The following MIB1 variants were observed in gnomAD, a reference collection of about 807,000 sequenced individuals.
MIB1 encodes the protein E3 ubiquitin-protein ligase MIB1.
MIB1 carries 278 observed loss-of-function variants against 124.5 expected under a neutral mutation model. The observed-to-expected ratio is 2.23, with a 90% CI of 2.02 to 2.47. The LOEUF is 2.47. Ranked by LOEUF, MIB1 falls within the 30% of genes most tolerant of loss-of-function variation. The pLI, the probability that MIB1 is intolerant of heterozygous loss-of-function variation, is 0.00. For missense variants in MIB1, 957 were observed against 1,254.4 expected (o/e 0.76, Z 3.58); for synonymous variants, 446 against 429.4 (o/e 1.04, Z -0.48).
chr18:21,844,456 T>C (rs924969937), intron 15 of MIB1, among the ~76,000 whole-genome samples: 7 of 152,184 alleles, frequency 4.6e-5, no homozygotes, highest in Non-Finnish European at 1.0e-4. Flanking sequence ...TCTGTTGTTG[T>C]TGTTGTTGTT....
chr18:21,751,750 G>GA (rs2040977887), intron 1 of MIB1, among the ~76,000 whole-genome samples: 1 of 151,786 alleles, frequency 6.6e-6, no homozygotes, highest in Non-Finnish European at 1.5e-5. Flanking sequence ...TTGCAGGCCT[G>GA]AAAATTGCTT....
intron 1 of MIB1, among the ~76,000 whole-genome samples, chr18:21,709,200 C>T (rs906648655): frequency 6.6e-6 from 1 of 151,590 alleles, no homozygotes; most frequent in Non-Finnish European, 1.5e-5. Context: ...TGCCTGTGGT[C>T]TCAGCTACTC....
intron 7 of MIB1, among the ~76,000 whole-genome samples, chr18:21,795,539 G>A (rs1319087330): frequency 2.0e-5 from 3 of 151,092 alleles, no homozygotes; most frequent in Non-Finnish European, 4.4e-5. Context: ...GGCAAAGAAG[G>A]AAGGGAGACC....
chr18:21,724,721 AAAAAAAATATATATATATATATATAT>A (rs1196750263), intron 1 of MIB1, among the ~76,000 whole-genome samples: 4 of 58,116 alleles, frequency 6.9e-5, no homozygotes, highest in Non-Finnish European at 1.3e-4. Flanking sequence ...CCAAAAAAAA[AAAAAAAATATATATATATATATATAT>A]ATATATATAT....
chr18:21,861,122 T>TA (rs2042272889), intron 20 of MIB1, among the ~76,000 whole-genome samples: 1 of 152,262 alleles, frequency 6.6e-6, no homozygotes, highest in East Asian at 1.9e-4. Context: ...AAACTCTGAT[T>TA]AGGCCAGTTT....
chr18:21,813,077 A>G (rs1403086683), intron 10 of MIB1, among the ~76,000 whole-genome samples: 3 of 151,984 alleles, frequency 2.0e-5, no homozygotes, highest in Admixed American at 2.0e-4. Flanking sequence ...TCAGTTTTTA[A>G]TTCTTTGGTG....
intron 6 of MIB1, among the ~76,000 whole-genome samples, chr18:21,786,384 G>A (rs1417790311): frequency 3.9e-5 from 6 of 152,096 alleles, no homozygotes; most frequent in African/African-American, 1.2e-4. Context: ...GGCGTGAGCC[G>A]CTGCGCCCAG....
intron 1 of MIB1, among the ~76,000 whole-genome samples, chr18:21,705,704 G>A (rs988113943): frequency 6.6e-6 from 1 of 152,166 alleles, no homozygotes; most frequent in African/African-American, 2.4e-5. Context: ...TTTAGATGGG[G>A]ACATGAGACG....
At position 21,858,557 on chromosome 18, in the gene MIB1, A is replaced by T. The variant is rs753624504; in HGVS notation, c.2791A>T (p.Ile931Phe). The T allele has an allele frequency of 6.5e-7, 1 of 1,530,442 alleles. No homozygotes were observed. Among genetic ancestry groups the T allele is most frequent in the South Asian group, 1.1e-5 (1 of 87,220 alleles). The allele number at this position is 1,530,442 out of a possible 1,614,324, so 94.8% of individuals were successfully genotyped here. The change falls in exon 20 of 21, where the codon ATT becomes TTT. Residue 931 changes from isoleucine to phenylalanine, a missense_variant. Coordinates refer to ENST00000261537, the MANE Select transcript of MIB1 (RefSeq NM_020774.4). ...DATDDISSGN[I>F]PVLQKDKDNT... ...AATCTATATTATAGCAAGTGGGAAT[A>T]TTCCAGTATTACAAAAGGACAAGGA...
intron 7 of MIB1, among the ~76,000 whole-genome samples, chr18:21,797,135 A>G (rs771031275): frequency 1.3e-5 from 2 of 152,184 alleles, no homozygotes; most frequent in African/African-American, 4.8e-5. Context: ...TGAGTTGATA[A>G]TAAATAGCAT....
intron 1 of MIB1, among the ~76,000 whole-genome samples, chr18:21,747,845 T>C (rs753443987): frequency 2.0e-5 from 3 of 152,214 alleles, no homozygotes; most frequent in African/African-American, 7.2e-5. Flanking sequence ...TCCCCACATG[T>C]GTGCTTTCAT....
At chr18:21,740,066 C>A (rs997201839), upstream of MIB1, among the ~76,000 whole-genome samples, 5 of 152,192 alleles carry the variant, frequency 3.3e-5, no homozygotes, top group Non-Finnish European at 7.3e-5. Context: ...CTTTGACTAT[C>A]AGGAAAAGCA....
At chr18:21,810,490 T>TA (rs1244329504) in intron 10 of MIB1, among the ~76,000 whole-genome samples, 2 of 151,974 alleles carry the variant, frequency 1.3e-5, no homozygotes, top group Admixed American at 1.3e-4. Context: ...TTTCAAGACT[T>TA]ACCACAAGGC....
chr18:21,824,200 G>A (rs1335015558), intron 12 of MIB1, among the ~76,000 whole-genome samples: 1 of 152,178 alleles, frequency 6.6e-6, no homozygotes, highest in Non-Finnish European at 1.5e-5. Flanking sequence ...TGAATCACCT[G>A]ATGTGATATA....
At chr18:21,815,331 GCT>G (rs1349049989) in intron 10 of MIB1, among the ~76,000 whole-genome samples, 3 of 151,614 alleles carry the variant, frequency 2.0e-5, no homozygotes, top group Non-Finnish European at 4.4e-5. Context: ...ACCATGCCTG[GCT>G]CTCTCTACAA....
rs145111534 is a variant in MIB1, at chr18:21,838,634, G to T, written c.1962+137G>T. The T allele has an allele frequency of 5.6e-3, 3,498 of 624,724 alleles. 198 individuals are homozygous for T. In the Admixed American group the frequency reaches 0.11, roughly 19 times the overall value. 38.7% of individuals were successfully genotyped at this position (624,724 alleles called of 1,614,324 possible). A position where few individuals can be genotyped will look rare whatever the true frequency, so the allele number is the denominator to read the frequency against. ...AAAACCTCATGATGATGAAAATTCA[G>T]ATATAATGCATATTCTGTCTTCTGC... On this transcript the variant is annotated intron_variant, in intron 13 of 20. Coordinates refer to ENST00000261537, the MANE Select transcript of MIB1 (RefSeq NM_020774.4).
intron 1 of MIB1, among the ~76,000 whole-genome samples, chr18:21,714,474 C>T (rs1412769261): frequency 6.6e-6 from 1 of 152,074 alleles, no homozygotes; most frequent in African/African-American, 2.4e-5. Context: ...TAATTAGCTC[C>T]CCCATCTCTG....
At chr18:21,773,510 T>G in intron 3 of MIB1, 114 bp from the exon 4 acceptor site, 1 of 679,402 alleles carries the variant, frequency 1.5e-6, no homozygotes, top group South Asian at 1.9e-5. Flanking sequence ...TTCATGATCC[T>G]GTTACACAGG....
chr18:21,783,443 A>T (rs1390353025), intron 6 of MIB1, among the ~76,000 whole-genome samples: 1 of 152,014 alleles, frequency 6.6e-6, no homozygotes, highest in South Asian at 2.1e-4. Context: ...GGGTTTCACC[A>T]TATTAGTCAG....
Sources: allele counts gnomAD v4.1 joint callset (sites outside exome capture counted in the v4.1 genomes callset), GRCh38; gene constraint gnomAD v4.1.1; transcripts MANE v1.5; gene names NCBI Gene and HGNC (gene_info 2026-07-23, HGNC 2026-07-21).